BRCA1: variants seen among roughly 807,000 people sequenced by gnomAD.
BRCA1 encodes breast cancer type 1 susceptibility protein.
BRCA1 carries 140 observed loss-of-function variants against 173.7 expected under a neutral mutation model. That is an observed-to-expected ratio of 0.81 (90% CI 0.70 to 0.93). BRCA1 has a LOEUF of 0.93. Ranked by LOEUF, BRCA1 falls within the 40% of genes least tolerant of loss-of-function variation. The probability of loss-of-function intolerance (pLI) is 0.00; values close to 1 mark genes in which losing one functional copy is unlikely to be tolerated. For synonymous variants in BRCA1, 662 were observed against 756.0 expected (o/e 0.88, Z 2.04); for missense variants, 1,983 against 2,172.5 (o/e 0.91, Z 1.73).
intron 11 of BRCA1, among the ~76,000 whole-genome samples, chr17:43,085,441 C>T (rs1316431376): frequency 2.0e-5 from 3 of 152,156 alleles, no homozygotes; most frequent in African/African-American, 7.2e-5. Flanking sequence ...AATTGTTAGT[C>T]ATTACTGCCA....
At position 43,065,865 on chromosome 17, in the gene BRCA1, G is replaced by A. The variant is rs543766104; in HGVS notation, c.5074+1743C>T. 2.1e-3 allele frequency among the ~76,000 whole-genome samples: 326 copies of A among 152,212 alleles called. 3 individuals carry two copies. Among genetic ancestry groups the A allele is most frequent in the African/African-American group, 7.7e-3 (321 of 41,520 alleles). On this transcript the variant is annotated intron_variant, in intron 16 of 22. Coordinates refer to ENST00000357654, the MANE Select transcript of BRCA1 (RefSeq NM_007294.4). ...AGATAACAGTTCTCTTCCGGGTAAC[G>A]GTTCTTCAGATACTTGAAGACAGTG... is the stretch of plus-strand genomic sequence containing the variant.
chr17:43,141,683 G>A (rs1390430521), intron 1 of BRCA1, among the ~76,000 whole-genome samples: 4 of 151,098 alleles, frequency 2.6e-5, no homozygotes, highest in Non-Finnish European at 5.9e-5. Flanking sequence ...GTGGTGACGG[G>A]CACCTGTAGT....
chr17:43,046,786 G>A (rs2050936742), intron 22 of BRCA1, among the ~76,000 whole-genome samples: 1 of 149,570 alleles, frequency 6.7e-6, no homozygotes, highest in Admixed American at 6.6e-5. Flanking sequence ...CAATGCTTCA[G>A]GACATAAGGC....
intron 1 of BRCA1, chr17:43,165,830 C>T (rs1466752753): frequency 2.0e-5 from 3 of 150,206 alleles, no homozygotes; most frequent in African/African-American, 7.3e-5. Flanking sequence ...ATACATGTTA[C>T]ACTGTTAACT....
At chr17:43,146,009 T>C (rs1343926209) in intron 1 of BRCA1, among the ~76,000 whole-genome samples, 1 of 152,218 alleles carries the variant, frequency 6.6e-6, no homozygotes, top group Non-Finnish European at 1.5e-5. Context: ...AACAACTCCT[T>C]GATTATGGCT....
At chr17:43,129,277 A>G (rs938452852), upstream of BRCA1, among the ~76,000 whole-genome samples, 3 of 152,172 alleles carry the variant, frequency 2.0e-5, no homozygotes, top group African/African-American at 4.8e-5. Context: ...ATTTTTTTAC[A>G]TGCCAGCCAA....
At chr17:43,102,737 A>G (rs769682833) in intron 6 of BRCA1, among the ~76,000 whole-genome samples, 5 of 151,090 alleles carry the variant, frequency 3.3e-5, no homozygotes, top group Admixed American at 6.6e-5. Context: ...ACTGTAGTCT[A>G]CATCTCCTGG....
At position 43,169,041 on chromosome 17, in the gene BRCA1, G is replaced by A. The variant is rs182022742; in HGVS notation, c.-20+1085C>T. On this transcript the variant is annotated intron_variant, in intron 1 of 7. Transcript: ENST00000634433. ...TGACGCTCCTCTACTTCCCTCTTGC[G>A]CTTTCTCAATAGCACAAATGGATCC... 8.6e-4 allele frequency among the ~76,000 whole-genome samples: 131 copies of A among 152,166 alleles called. 4 individuals are homozygous for A. The highest frequency in any genetic ancestry group is 8.2e-3 in the Admixed American group (126 of 15,296).
chr17:43,047,056 G>A (rs1159564178), intron 22 of BRCA1, among the ~76,000 whole-genome samples: 1 of 152,052 alleles, frequency 6.6e-6, no homozygotes, highest in Non-Finnish European at 1.5e-5. Context: ...ATCTCCAAGT[G>A]GTGGAATTAC....
intron 3 of BRCA1, among the ~76,000 whole-genome samples, chr17:43,109,967 T>C (rs1280578654): frequency 6.6e-6 from 1 of 151,728 alleles, no homozygotes; most frequent in Non-Finnish European, 1.5e-5. Context: ...CAATCTCTGC[T>C]CACTGCAAGC....
Position 43,114,390 on chromosome 17 carries a change from C to CT in BRCA1, c.134+1335dup, listed in dbSNP as rs35851659. Among the ~76,000 whole-genome samples the CT allele has an allele frequency of 0.43, 60,086 of 138,800 alleles. 14,013 individuals are homozygous for CT. The highest frequency in any genetic ancestry group is 0.63 in the African/African-American group (23,588 of 37,628). The allele number at this position is 138,800 out of a possible 152,430, so 91.1% of individuals were successfully genotyped here. On this transcript the variant is annotated intron_variant, in intron 3 of 22. Transcript: ENST00000357654. Reference sequence around the variant, plus strand: ...TAGCTCTCTGTAGTAAATACTGGGACTTTTTTTTTTTTTTTTGAGTCTCCC... The same window carrying CT: ...TAGCTCTCTGTAGTAAATACTGGGACTTTTTTTTTTTTTTTTTGAGTCTCCC...
chr17:43,114,861 A>G (rs566363471), intron 3 of BRCA1, among the ~76,000 whole-genome samples: 1 of 152,338 alleles, frequency 6.6e-6, no homozygotes, highest in Admixed American at 6.5e-5. Flanking sequence ...GTTCTACTAA[A>G]TTACCTACTC....
intron 2 of BRCA1, among the ~76,000 whole-genome samples, chr17:43,120,629 G>C (rs562368660): frequency 2.0e-5 from 3 of 152,150 alleles, no homozygotes; most frequent in African/African-American, 7.2e-5. Flanking sequence ...GCCGGGCGTG[G>C]TGGTGGACGC....
Position 43,057,020 on chromosome 17 carries a change from G to C in BRCA1, c.5277+32C>G, listed in dbSNP as rs371203180. The C allele has an allele frequency of 1.2e-5, 19 of 1,605,488 alleles. No individual in the cohort carries two copies. The African/African-American group carries it at 2.5e-4, about 21-fold the overall frequency. Reference sequence around the variant, plus strand: ...AGTGGAATACAGAGTGGTGGGGTGAGATTTTTGTCAACTTGAGGGAGGGAG... The same window carrying C: ...AGTGGAATACAGAGTGGTGGGGTGACATTTTTGTCAACTTGAGGGAGGGAG... On this transcript the variant is annotated intron_variant, in intron 19 of 22. Transcript: ENST00000357654.
intron 1 of BRCA1, chr17:43,164,342 T>G (rs1029846691): frequency 6.6e-6 from 1 of 152,104 alleles, no homozygotes; most frequent in African/African-American, 2.4e-5. Context: ...TATCGAAATC[T>G]CCCTGGATTA....
chr17:43,166,604 T>C (rs1266857263), intron 1 of BRCA1: 4 of 152,186 alleles, frequency 2.6e-5, no homozygotes, highest in African/African-American at 9.7e-5. Flanking sequence ...GCCTGACCTA[T>C]GCTTCTTCAA....
At chr17:43,088,839 T>C (rs1401112243) in intron 11 of BRCA1, among the ~76,000 whole-genome samples, 2 of 152,166 alleles carry the variant, frequency 1.3e-5, no homozygotes, top group Non-Finnish European at 2.9e-5. Context: ...TCACCAATAT[T>C]ATTGCCAGCA....
chr17:43,073,384 A>G (rs1597834579), intron 14 of BRCA1, among the ~76,000 whole-genome samples: 2 of 152,296 alleles, frequency 1.3e-5, no homozygotes, highest in South Asian at 2.1e-4. Flanking sequence ...CATCCTTGAA[A>G]CATTTCAGAA....
At chr17:43,050,061 C>CCATCCTCTTTATTAGTTATCA in intron 20 of BRCA1, 1 of 398,596 alleles carries the variant, frequency 2.5e-6, no homozygotes, top group Non-Finnish European at 4.4e-6. Context: ...AACAAAATTA[C>CCATCCTCTTTATTAGTTATCA]ATTGCAGCCA....
Sources: allele counts gnomAD v4.1 joint callset (sites outside exome capture counted in the v4.1 genomes callset), GRCh38; gene constraint gnomAD v4.1.1; transcripts MANE v1.5; gene names NCBI Gene and HGNC (gene_info 2026-07-23, HGNC 2026-07-21).